The following ADCY1 variants were observed in gnomAD, a reference collection of about 807,000 sequenced individuals.
ADCY1 encodes adenylate cyclase 1, also known as adenylate cyclase type 1.
ADCY1 carries 28 observed loss-of-function variants against 105.4 expected under a neutral mutation model. The ratio of observed to expected loss-of-function variants is 0.27; its 90% CI spans 0.20 to 0.36. The LOEUF is 0.36. Ranked by LOEUF, ADCY1 falls within the 10% of genes least tolerant of loss-of-function variation. ADCY1 has a pLI of 1.00. For synonymous variants in ADCY1, 655 were observed against 623.8 expected (o/e 1.05, Z -0.75); for missense variants, 977 against 1,434.2 (o/e 0.68, Z 5.15).
chr7:45,619,210 G>A (rs1793823186), intron 3 of ADCY1, among the ~76,000 whole-genome samples: 1 of 152,154 alleles, frequency 6.6e-6, no homozygotes, highest in Non-Finnish European at 1.5e-5. Context: ...AGGCTGGGAA[G>A]AGTAGGAGGA....
chr7:45,698,251 C>T (rs1001412848), intron 14 of ADCY1, among the ~76,000 whole-genome samples: 3 of 152,162 alleles, frequency 2.0e-5, no homozygotes, highest in Non-Finnish European at 4.4e-5. Context: ...CCTGCATCCA[C>T]ACATTGTAAC....
At chr7:45,584,782 C>A (rs574277863) in intron 1 of ADCY1, among the ~76,000 whole-genome samples, 13 of 152,236 alleles carry the variant, frequency 8.5e-5, no homozygotes, top group Non-Finnish European at 1.9e-4. Context: ...GGCTTCTCTC[C>A]CAGCCTGTGG....
Position 45,710,632 on chromosome 7 carries a change from G to T in ADCY1, c.3037G>T (p.Gly1013Trp). The T allele has an allele frequency of 6.2e-7, 1 of 1,613,914 alleles. No individual in the cohort carries two copies. Among genetic ancestry groups the T allele is most frequent in the Non-Finnish European group, 8.5e-7 (1 of 1,179,932 alleles). ...CGTGGCCAGTCGGATGGATAGCACA[G>T]GGGTCCAGGGCAGAATCCAGGTCAG... Reference protein sequence around the residue: ...VNVASRMDSTGVQGRIQVTEE... With the variant: ...VNVASRMDSTWVQGRIQVTEE... The change falls in exon 19 of 20, where the codon GGG becomes TGG. Residue 1013 changes from glycine to tryptophan, a missense_variant. Physicochemically the swap from Gly to Trp is radical, Grantham distance 184. Around this residue, in one of 7 missense-constraint regions of ADCY1, gnomAD observed 152 missense variants for 293.7 expected, o/e 0.52. Coordinates refer to ENST00000297323, the MANE Select transcript of ADCY1 (RefSeq NM_021116.4). This position sits in a 1 kb window ranked among gnomAD's most constrained non-coding sequence, Gnocchi z 4.7.
chr7:45,621,298 T>TCA (rs1190169082), intron 3 of ADCY1, among the ~76,000 whole-genome samples: 2 of 152,194 alleles, frequency 1.3e-5, no homozygotes, highest in Non-Finnish European at 2.9e-5. Flanking sequence ...ACTCGTGGAC[T>TCA]CAGGTGATCC....
chr7:45,586,791 G>A (rs1036006621), intron 1 of ADCY1, among the ~76,000 whole-genome samples: 1 of 152,232 alleles, frequency 6.6e-6, no homozygotes, highest in Non-Finnish European at 1.5e-5. Context: ...CAGGCTGATC[G>A]CAGTCTGGGA....
rs149361868 is a variant in ADCY1 at position 45,708,084 on chromosome 7, C to T, written c.2818-266C>T. On this transcript the variant is annotated intron_variant, in intron 17 of 19. Coordinates refer to ENST00000297323, the MANE Select transcript of ADCY1 (RefSeq NM_021116.4). The surrounding 1 kb of genome is among the most constrained non-coding windows in gnomAD (Gnocchi z 4.7). ...AAGCAGGAGTTTGAGCACCTGGTCT[C>T]CCACTCAAAAGGGCTGCCCTGCCCT... Among the ~76,000 whole-genome samples the T allele has an allele frequency of 3.2e-3, 485 of 152,318 alleles. 5 individuals carry two copies. Among genetic ancestry groups the T allele is most frequent in the African/African-American group, 0.011 (474 of 41,580 alleles).
chr7:45,703,589 T>C lies in ADCY1; in HGVS notation c.2572-11T>C. On this transcript the variant is annotated splice_polypyrimidine_tract_variant and intron_variant, in intron 15 of 19. Coordinates refer to ENST00000297323, the MANE Select transcript of ADCY1 (RefSeq NM_021116.4). The surrounding 1 kb of genome is among the most constrained non-coding windows in gnomAD (Gnocchi z 5.9). ...GGCTGACCCTTCCTGACCCATCCTT[T>C]GAACTTCCAGGACCTCTACTACCAG... The C allele has an allele frequency of 6.2e-7, 1 of 1,611,422 alleles. No homozygotes were observed. The highest frequency in any genetic ancestry group is 2.2e-5 in the East Asian group (1 of 44,802).
intron 8 of ADCY1, chr7:45,664,614 C>T (rs753261329): frequency 1.1e-6 from 1 of 904,552 alleles, no homozygotes; most frequent in Non-Finnish European, 1.5e-6. Context: ...ACATTTTGTT[C>T]CTTCCAGTTT....
At chr7:45,598,252 A>T in intron 2 of ADCY1, among the ~76,000 whole-genome samples, 1 of 152,208 alleles carries the variant, frequency 6.6e-6, no homozygotes. Flanking sequence ...TGAGCCCGGG[A>T]TCTTCCAAGG....
intron 2 of ADCY1, among the ~76,000 whole-genome samples, chr7:45,603,629 G>A (rs1203521867): frequency 6.6e-6 from 1 of 152,100 alleles, no homozygotes; most frequent in African/African-American, 2.4e-5. Context: ...TTGACATTGG[G>A]ACAGCCAAGA....
chr7:45,668,973 G>T (rs1784314190), intron 8 of ADCY1, among the ~76,000 whole-genome samples: 1 of 152,116 alleles, frequency 6.6e-6, no homozygotes, highest in African/African-American at 2.4e-5. Flanking sequence ...GATCGGTGGT[G>T]ATATCCTCTT....
rs1795122197 is a variant in ADCY1, at chr7:45,662,130, G to C, written c.1521G>C (p.Leu507=). The C allele has an allele frequency of 1.2e-6, 2 of 1,613,982 alleles. No homozygotes were observed. The highest frequency in any genetic ancestry group is 1.7e-5 in the Admixed American group (1 of 59,992). ...KRMKFKTVCY[L]LVQLMHCRKM... is the part of the protein sequence containing the mutation. ...TGAAGTTCAAGACTGTCTGCTACCTGCTGGTGCAGCTCATGCACTGCCGGA... is the reference window on the plus strand; with the variant it reads ...TGAAGTTCAAGACTGTCTGCTACCTCCTGGTGCAGCTCATGCACTGCCGGA... The change falls in exon 8 of 20, where the codon CTG becomes CTC. Residue 507 remains leucine (L), a synonymous_variant. Coordinates refer to ENST00000297323, the MANE Select transcript of ADCY1 (RefSeq NM_021116.4).
chr7:45,662,227 A>G lies in ADCY1; in HGVS notation c.1605+13A>G. The G allele has an allele frequency of 6.2e-7, 1 of 1,609,700 alleles. No individual in the cohort carries two copies. The highest frequency in any genetic ancestry group is 8.5e-7 in the Non-Finnish European group (1 of 1,178,608). On this transcript the variant is annotated intron_variant, in intron 8 of 19. Transcript: ENST00000297323. ...GGACGATGACAAGGTAGGAGCAGCC[A>G]GGGAGCCTGCCATGCTGGAGCTGCC...
chr7:45,635,753 T>C (rs1794387362), intron 4 of ADCY1, among the ~76,000 whole-genome samples: 1 of 151,962 alleles, frequency 6.6e-6, no homozygotes, highest in Non-Finnish European at 1.5e-5. Context: ...CTCTTAAATT[T>C]ATGGCCCAGA....
chr7:45,607,843 T>C (rs536389639), intron 2 of ADCY1, among the ~76,000 whole-genome samples: 3 of 152,352 alleles, frequency 2.0e-5, no homozygotes, highest in South Asian at 2.1e-4. Context: ...CAGCCCACCA[T>C]TGATGGGCAC....
rs1174764003 is a variant in ADCY1 at position 45,721,570 on chromosome 7, T to G, written c.*7575T>G. The G allele has an allele frequency of 2.5e-6, 1 of 397,830 alleles. No individual in the cohort carries two copies. The highest frequency in any genetic ancestry group is 4.4e-6 in the Non-Finnish European group (1 of 225,892). The allele number at this position is 397,830 out of a possible 1,614,324, so 24.6% of individuals were successfully genotyped here. A position where few individuals can be genotyped will look rare whatever the true frequency, so the allele number is the denominator to read the frequency against. ...GCTCAGCTTCTGCTCAGGAGTTCTG[T>G]GAGCTATGGGAAGGCCATTGGTTGT... On this transcript the variant is annotated 3_prime_UTR_variant, in exon 20 of 20. Coordinates refer to ENST00000297323, the MANE Select transcript of ADCY1 (RefSeq NM_021116.4).
intron 1 of ADCY1, among the ~76,000 whole-genome samples, chr7:45,581,450 C>T (rs1290027271): frequency 6.6e-6 from 1 of 152,220 alleles, no homozygotes; most frequent in Admixed American, 6.5e-5. Context: ...CCCAAGTGTT[C>T]TCTGACAACT....
At chr7:45,658,034 C>A (rs953976769) in intron 6 of ADCY1, 149 bp downstream of exon 6, 4 of 928,710 alleles carry the variant, frequency 4.3e-6, no homozygotes, top group African/African-American at 3.3e-5. Context: ...GCCGCACCTG[C>A]CAACCAGACT....
At chr7:45,598,618 AGT>A (rs1793138230) in intron 2 of ADCY1, among the ~76,000 whole-genome samples, 1 of 152,210 alleles carries the variant, frequency 6.6e-6, no homozygotes, top group Admixed American at 6.5e-5. Context: ...TTCCAGAAAA[AGT>A]GTGAGTTACC....
Sources: gnomAD v4.1 joint callset for allele counts (sites outside exome capture counted in the v4.1 genomes callset) on GRCh38, gnomAD v4.1.1 for gene constraint, gnomAD v4.1.1 regional missense constraint, Gnocchi (gnomAD v3.1) non-coding constraint, MANE v1.5 for transcripts, NCBI Gene and HGNC (gene_info 2026-07-23, HGNC 2026-07-21) for gene names.